Variants in NEK11 observed in about 807,000 individuals in gnomAD.
The protein encoded by NEK11 is NIMA related kinase 11.
Under a neutral mutation model 80.7 loss-of-function variants are expected in NEK11, and 72 were observed. The ratio of observed to expected loss-of-function variants is 0.89; its 90% CI spans 0.74 to 1.08. The LOEUF is 1.08. Ranked by LOEUF, NEK11 falls within the 50% of genes least tolerant of loss-of-function variation. The probability of loss-of-function intolerance (pLI) is 0.00; values close to 1 mark genes in which losing one functional copy is unlikely to be tolerated. For synonymous variants in NEK11, 251 were observed against 260.7 expected, an observed-to-expected ratio of 0.96 and a Z score of 0.36; for missense variants, 764 against 763.6, an observed-to-expected ratio of 1.00 and a Z score of -0.01.
At chr3:131,315,983 T>A (rs1275081138) in intron 17 of NEK11, among the ~76,000 whole-genome samples, 2 of 152,172 alleles carry the variant, frequency 1.3e-5, no homozygotes, top group Non-Finnish European at 2.9e-5. Flanking sequence ...TTTTTTTAGT[T>A]ATCAGTACAA....
chr3:131,202,148 C>G (rs1229210229), intron 14 of NEK11, among the ~76,000 whole-genome samples: 2 of 152,162 alleles, frequency 1.3e-5, no homozygotes, highest in African/African-American at 4.8e-5. Flanking sequence ...GGAATAGGAA[C>G]AGCTCTGGTT....
intron 17 of NEK11, among the ~76,000 whole-genome samples, chr3:131,297,417 G>T (rs928745182): frequency 1.3e-5 from 2 of 151,722 alleles, no homozygotes; most frequent in Non-Finnish European, 3.0e-5. Flanking sequence ...GGCCAGTGAT[G>T]ATGAGCATTT....
intron 11 of NEK11, among the ~76,000 whole-genome samples, chr3:131,163,028 T>A (rs539100655): frequency 1.3e-5 from 2 of 152,314 alleles, no homozygotes; most frequent in South Asian, 4.1e-4. Flanking sequence ...CTCAGGGCGA[T>A]GTTGCTGGTG....
intron 7 of NEK11, chr3:131,134,386 A>G (rs1274246529): frequency 6.7e-6 from 1 of 150,034 alleles, no homozygotes; most frequent in Non-Finnish European, 1.5e-5. Context: ...TACTAAAGAT[A>G]TTGGCTTTAA....
chr3:131,035,991 T>G lies in NEK11; in HGVS notation c.170+6113T>G, dbSNP rs76874860. Among the ~76,000 whole-genome samples the G allele has an allele frequency of 4.9e-3, 752 of 152,318 alleles. 11 individuals are homozygous for G. Among genetic ancestry groups the G allele is most frequent in the African/African-American group, 0.017 (717 of 41,568 alleles). ...AATATTGAAAGTAATGTGTATACACTTTATAAAAAGTTCAGATGTGCATAA... is the reference window on the plus strand; with the variant it reads ...AATATTGAAAGTAATGTGTATACACGTTATAAAAAGTTCAGATGTGCATAA... On this transcript the variant is annotated intron_variant, in intron 3 of 17. Coordinates refer to ENST00000383366, the MANE Select transcript of NEK11 (RefSeq NM_024800.5).
rs145768425 is a variant in NEK11, at chr3:131,343,950, C to G, written c.1719-5607C>G. ...TCATTGTCTGGATATTTACACTTAA[C>G]CCACTTTTAGGTATGCAAATATCTC... On this transcript the variant is annotated intron_variant, in intron 17 of 17. Transcript: ENST00000383366. 1.5e-3 allele frequency among the ~76,000 whole-genome samples: 228 copies of G among 152,306 alleles called. 1 individual carries two copies. Among genetic ancestry groups the G allele is most frequent in the African/African-American group, 4.6e-3 (192 of 41,576 alleles).
At chr3:131,208,489 A>C (rs2094511036) in intron 14 of NEK11, among the ~76,000 whole-genome samples, 1 of 152,184 alleles carries the variant, frequency 6.6e-6, no homozygotes, top group South Asian at 2.1e-4. Context: ...AGTTTTTTCC[A>C]ATTCTGTGAA....
At chr3:131,337,498 G>T in intron 17 of NEK11, among the ~76,000 whole-genome samples, 1 of 151,704 alleles carries the variant, frequency 6.6e-6, no homozygotes, top group East Asian at 1.9e-4. Context: ...ATAGCATTAG[G>T]AGCTATACCT....
chr3:131,228,694 T>G lies in NEK11; in HGVS notation c.1560+6T>G. The G allele has an allele frequency of 6.2e-7, 1 of 1,610,680 alleles. No homozygotes were observed. On this transcript the variant is annotated splice_donor_region_variant and intron_variant, in intron 15 of 17. Transcript: ENST00000383366. ...CTTACAGAACAAACCAACAGGTATG[T>G]AATGCTCCCTGTCGGAAGCCATGGA...
chr3:131,245,534 G>T (rs987089430), intron 16 of NEK11, among the ~76,000 whole-genome samples: 1 of 152,010 alleles, frequency 6.6e-6, no homozygotes, highest in African/African-American at 2.4e-5. Context: ...TTTCATACAG[G>T]TTGTACAAAT....
intron 4 of NEK11, among the ~76,000 whole-genome samples, chr3:131,099,240 A>G (rs1038048591): frequency 6.6e-6 from 1 of 152,190 alleles, no homozygotes; most frequent in Non-Finnish European, 1.5e-5. Context: ...TCCTTTCTCC[A>G]TTCCTTGTTT....
At chr3:131,206,142 C>G (rs570039345) in intron 14 of NEK11, among the ~76,000 whole-genome samples, 28 of 152,296 alleles carry the variant, frequency 1.8e-4, no homozygotes, top group Admixed American at 9.2e-4. Context: ...ACCTGGTTAC[C>G]TGGTTCTGTC....
rs528540350 is a variant in NEK11 at position 131,105,970 on chromosome 3, C to T, written c.337-3833C>T. On this transcript the variant is annotated intron_variant, in intron 4 of 17. Transcript: ENST00000383366. ...TTTTCCTTACCAAAAGCACATCTTA[C>T]CTATATTGTATACTTGCATATAAAG... 5.3e-5 allele frequency among the ~76,000 whole-genome samples: 8 copies of T among 152,256 alleles called. No individual in the cohort carries two copies. In the South Asian group the frequency reaches 1.7e-3, roughly 32 times the overall value.
rs781507106 is a variant in NEK11, at chr3:131,273,510, A to G, written c.1654A>G (p.Met552Val). The G allele has an allele frequency of 2.5e-6, 4 of 1,614,042 alleles. No homozygotes were observed. Among genetic ancestry groups the G allele is most frequent in the Non-Finnish European group, 3.4e-6 (4 of 1,179,912 alleles). The part of the protein sequence containing the change: ...TKTITTMAED[M>V]SPGPPIFNSV... The stretch of plus-strand genomic sequence containing the variant: ...GACCATCACCACCATGGCTGAAGAC[A>G]TGTCCCCAGGACCACCAATTTTCAA... Residue 552 changes from methionine to valine, a missense_variant, in exon 17 of 18, where the codon ATG becomes GTG. By Grantham distance (21) the Met-to-Val change is conservative. Transcript: ENST00000383366.
Position 131,140,232 on chromosome 3 carries a change from G to A in NEK11, c.647+6276G>A, listed in dbSNP as rs72628539. On this transcript the variant is annotated intron_variant, in intron 7 of 17. Transcript: ENST00000383366. ...AATATAGATTTTGCTTGGTTCTCTT[G>A]AAATTCTTGTTCTTGGAACCCAACT... is the stretch of plus-strand genomic sequence containing the variant. Among the ~76,000 whole-genome samples, 620 of 152,250 alleles carry A rather than the reference G, an allele frequency of 4.1e-3. 32 individuals carry two copies. In the East Asian group the frequency reaches 0.1, roughly 25 times the overall value.
At chr3:131,074,486 TTACTC>T (rs2073999829) in intron 3 of NEK11, among the ~76,000 whole-genome samples, 1 of 152,174 alleles carries the variant, frequency 6.6e-6, no homozygotes, top group African/African-American at 2.4e-5. Context: ...ATGTATGTGT[TTACTC>T]TAAGGAAATA....
chr3:131,068,010 A>C (rs1302171295), intron 3 of NEK11, among the ~76,000 whole-genome samples: 1 of 152,172 alleles, frequency 6.6e-6, no homozygotes, highest in Non-Finnish European at 1.5e-5. Flanking sequence ...CTGTAAGATG[A>C]TGAAGCTGGA....
intron 17 of NEK11, among the ~76,000 whole-genome samples, chr3:131,295,662 T>TTA (rs1433662314): frequency 6.6e-6 from 1 of 152,168 alleles, no homozygotes. Flanking sequence ...GCAAAATACT[T>TTA]TATATTATGG....
chr3:131,071,876 G>T (rs1392277227), intron 3 of NEK11, among the ~76,000 whole-genome samples: 1 of 152,104 alleles, frequency 6.6e-6, no homozygotes, highest in Admixed American at 6.6e-5. Context: ...AAGTAAGTAA[G>T]ACATAGCCCA....
Sources: gnomAD v4.1 joint callset for allele counts (sites outside exome capture counted in the v4.1 genomes callset) on GRCh38, gnomAD v4.1.1 for gene constraint, MANE v1.5 for transcripts, NCBI Gene and HGNC (gene_info 2026-07-23, HGNC 2026-07-21) for gene names.